The following SGSM1 variants were observed in gnomAD, a reference collection of about 807,000 sequenced individuals.
SGSM1 encodes RUN and TBC1 domain containing 2.
In SGSM1, 73 loss-of-function variants were observed where a neutral mutation model predicts 133.8. The observed-to-expected ratio is 0.55, with a 90% CI of 0.45 to 0.66. SGSM1 has a LOEUF of 0.66. Ranked by LOEUF, SGSM1 falls within the 30% of genes least tolerant of loss-of-function variation. SGSM1 has a pLI of 0.00. For missense variants in SGSM1, 1,213 were observed against 1,448.1 expected (o/e 0.84, Z 2.64); for synonymous variants, 563 against 573.0 (o/e 0.98, Z 0.25).
Position 24,925,572 on chromosome 22 carries a change from C to G in SGSM1, c.*1298C>G, listed in dbSNP as rs1413841565. 1 of 152,160 alleles carries G rather than the reference C, an allele frequency of 6.6e-6. No individual in the cohort carries two copies. The highest frequency in any genetic ancestry group is 1.5e-5 in the Non-Finnish European group (1 of 68,050). The allele number at this position is 152,160 out of a possible 1,614,324, so 9.4% of individuals were successfully genotyped here. ...CTCTTTGGGGTCCTGCTCAGAGTCC[C>G]CCAGGCAGGGCAGAGTCTGTATCCT... On this transcript the variant is annotated 3_prime_UTR_variant, in exon 25 of 25. Coordinates refer to ENST00000400358, the MANE Select transcript of SGSM1 (RefSeq NM_001098497.3).
chr22:24,826,671 A>G (rs1928817096), intron 2 of SGSM1, among the ~76,000 whole-genome samples: 1 of 152,146 alleles, frequency 6.6e-6, no homozygotes, highest in African/African-American at 2.4e-5. Context: ...GCAGCAGAGG[A>G]AAAGGGTAGC....
intron 2 of SGSM1, among the ~76,000 whole-genome samples, chr22:24,841,974 T>C (rs73155750): frequency 0.018 from 2,728 of 152,262 alleles, 50 homozygotes; most frequent in East Asian, 0.087. Flanking sequence ...ACCATGTACA[T>C]TCATGAAAGT....
At chr22:24,811,322 C>T (rs1464130374) in intron 2 of SGSM1, among the ~76,000 whole-genome samples, 1 of 152,206 alleles carries the variant, frequency 6.6e-6, no homozygotes, top group Admixed American at 6.5e-5. Flanking sequence ...CCTGCACCTG[C>T]TGCGCCCTTC....
chr22:24,836,831 A>G (rs1929456799), intron 2 of SGSM1, among the ~76,000 whole-genome samples: 1 of 152,180 alleles, frequency 6.6e-6, no homozygotes, highest in South Asian at 2.1e-4. Context: ...ACCCTTTATC[A>G]CATAGATGAT....
At chr22:24,890,906 T>C (rs1460979551) in intron 16 of SGSM1, among the ~76,000 whole-genome samples, 2 of 152,210 alleles carry the variant, frequency 1.3e-5, no homozygotes, top group East Asian at 1.9e-4. Context: ...TTATTTAACA[T>C]TTGATTTAAA....
At chr22:24,814,252 A>G (rs1927927182) in intron 2 of SGSM1, 1 of 149,288 alleles carries the variant, frequency 6.7e-6, no homozygotes. Flanking sequence ...ATGTCATTCT[A>G]ATGGGATAAA....
In SGSM1 at chr22:24,857,558, T is replaced by C. The variant is rs1391933594; in HGVS notation, c.801+1878T>C. ...TGTAGTTTTGTTTTGTTTTTTAATC[T>C]ATATCACTTTTATAAGTAACACACA... On this transcript the variant is annotated intron_variant, in intron 8 of 24. Coordinates refer to ENST00000400358, the MANE Select transcript of SGSM1 (RefSeq NM_001098497.3). Among the ~76,000 whole-genome samples the C allele has an allele frequency of 5.9e-5, 9 of 152,244 alleles. No individual in the cohort carries two copies. In the South Asian group the frequency reaches 1.4e-3, roughly 25 times the overall value.
At chr22:24,833,556 G>C (rs758591811) in intron 2 of SGSM1, among the ~76,000 whole-genome samples, 1 of 152,014 alleles carries the variant, frequency 6.6e-6, no homozygotes, top group Non-Finnish European at 1.5e-5. Context: ...TACTTGGGAG[G>C]CTGAGGCAGG....
Position 24,847,810 on chromosome 22 carries a change from A to G in SGSM1, c.302+14A>G, listed in dbSNP as rs778948442. On this transcript the variant is annotated intron_variant, in intron 4 of 24. Coordinates refer to ENST00000400358, the MANE Select transcript of SGSM1 (RefSeq NM_001098497.3). ...GATCGAGAGCGCGTGAGTGCAAAGC[A>G]TGGGGCACAGGTGGGAGCAGCTCCC... is the stretch of plus-strand genomic sequence containing the variant. 6.2e-7 allele frequency: 1 copy of G among 1,612,482 alleles called. No homozygotes were observed. The highest frequency in any genetic ancestry group is 8.5e-7 in the Non-Finnish European group (1 of 1,179,014).
At chr22:24,864,410 C>T (rs192600350) in intron 9 of SGSM1, among the ~76,000 whole-genome samples, 41 of 152,300 alleles carry the variant, frequency 2.7e-4, no homozygotes, top group African/African-American at 7.2e-4. Context: ...ACTCCAAGAC[C>T]GGAAGCAACC....
chr22:24,884,279 T>C, intron 15 of SGSM1, 81 bp downstream of exon 15: 2 of 1,503,546 alleles, frequency 1.3e-6, no homozygotes, highest in Non-Finnish European at 1.8e-6. Flanking sequence ...TAAGCCCACA[T>C]GCTTGTGGGG....
chr22:24,817,817 A>C (rs1267192439), intron 2 of SGSM1, among the ~76,000 whole-genome samples: 1 of 152,240 alleles, frequency 6.6e-6, no homozygotes, highest in Non-Finnish European at 1.5e-5. Flanking sequence ...GTCTGAGATC[A>C]GGGCGGCAGC....
intron 21 of SGSM1, among the ~76,000 whole-genome samples, chr22:24,907,990 A>C (rs964224990): frequency 2.0e-5 from 3 of 151,968 alleles, no homozygotes; most frequent in South Asian, 2.1e-4. Flanking sequence ...AGATACTTAA[A>C]ATAGTGATAT....
At chr22:24,866,149 A>G (rs759221072) in intron 9 of SGSM1, among the ~76,000 whole-genome samples, 2 of 152,196 alleles carry the variant, frequency 1.3e-5, no homozygotes, top group Non-Finnish European at 2.9e-5. Flanking sequence ...TCAGGACAGC[A>G]GCAAGGTTTT....
rs1933350476 is a variant in SGSM1 at position 24,905,683 on chromosome 22, G to A, written c.2818+496G>A. Among the ~76,000 whole-genome samples the A allele has an allele frequency of 2.0e-5, 3 of 151,796 alleles. No homozygotes were observed. The South Asian group carries it at 6.3e-4, about 32-fold the overall frequency. ...AGGCACCTGTAGTCCCAGCTACTCA[G>A]GAGGCTGAGGCAGGAGAATGGCGTG... On this transcript the variant is annotated intron_variant, in intron 21 of 24. Transcript: ENST00000400358.
At chr22:24,851,120 G>T (rs1376852308) in intron 5 of SGSM1, among the ~76,000 whole-genome samples, 3 of 137,688 alleles carry the variant, frequency 2.2e-5, no homozygotes, top group Admixed American at 7.3e-5. Context: ...AAAAAAAAAA[G>T]AAAAAAAGAA....
intron 16 of SGSM1, among the ~76,000 whole-genome samples, chr22:24,887,167 C>A (rs945946283): frequency 1.4e-5 from 2 of 144,768 alleles, no homozygotes; most frequent in Non-Finnish European, 1.5e-5. Context: ...ACGTGTAGAT[C>A]TGTGTCCATC....
At chr22:24,827,821 T>C (rs1218886136) in intron 2 of SGSM1, among the ~76,000 whole-genome samples, 2 of 152,066 alleles carry the variant, frequency 1.3e-5, no homozygotes, top group Admixed American at 1.3e-4. Flanking sequence ...AGGATTCGAC[T>C]CCAAGTCAGT....
chr22:24,894,679 A>C (rs2330936), intron 17 of SGSM1, among the ~76,000 whole-genome samples: 27 of 152,202 alleles, frequency 1.8e-4, no homozygotes, highest in African/African-American at 5.8e-4. Context: ...CTGCCCAGCA[A>C]GTTAACCTGG....
Sources: gnomAD v4.1 joint callset for allele counts (sites outside exome capture counted in the v4.1 genomes callset) on GRCh38, gnomAD v4.1.1 for gene constraint, MANE v1.5 for transcripts, NCBI Gene and HGNC (gene_info 2026-07-23, HGNC 2026-07-21) for gene names.